Variants in ERCC6L2 observed in about 807,000 individuals in gnomAD.
ERCC6L2 encodes DNA excision repair protein ERCC-6-like 2.
ERCC6L2 carries 77 observed loss-of-function variants against 132.0 expected under a neutral mutation model. The ratio of observed to expected loss-of-function variants is 0.58; its 90% CI spans 0.49 to 0.71. ERCC6L2 has a LOEUF of 0.71. Ranked by LOEUF, ERCC6L2 falls within the 30% of genes least tolerant of loss-of-function variation. The pLI is 0.00. For missense variants in ERCC6L2, 1,542 were observed against 1,837.6 expected (o/e 0.84, Z 2.94); for synonymous variants, 583 against 632.4 (o/e 0.92, Z 1.17).
intron 2 of ERCC6L2, among the ~76,000 whole-genome samples, chr9:95,896,811 G>GT (rs1828490646): frequency 2.0e-5 from 3 of 152,086 alleles, no homozygotes; most frequent in African/African-American, 7.2e-5. Context: ...CCTGCTTGTG[G>GT]TTTTTTGTTT....
intron 11 of ERCC6L2, chr9:95,929,103 T>G (rs565494181): frequency 5.5e-5 from 16 of 289,742 alleles, no homozygotes; most frequent in East Asian, 3.8e-4. Context: ...ATAAAAAAAT[T>G]GATACTTCCT....
intron 13 of ERCC6L2, among the ~76,000 whole-genome samples, chr9:95,964,787 A>G (rs902575711): frequency 5.3e-5 from 8 of 152,192 alleles, no homozygotes; most frequent in East Asian, 1.9e-4. Context: ...TTTGAACATG[A>G]TTTCATTTTT....
rs556513719 is a variant in ERCC6L2, at chr9:95,878,402, G to A, written c.46+2318G>A. Among the ~76,000 whole-genome samples the A allele has an allele frequency of 2.6e-5, 4 of 152,332 alleles. No individual in the cohort carries two copies. In the East Asian group the frequency reaches 7.7e-4, roughly 29 times the overall value. On this transcript the variant is annotated intron_variant, in intron 1 of 18. Transcript: ENST00000653738. ...ACCAGGATATTCTGATGGATTGGAT[G>A]TAAGGAGTAATATTAAATGAGGTTT...
chr9:96,011,799 T>C (rs1331575815), intron 18 of ERCC6L2, among the ~76,000 whole-genome samples: 1 of 152,198 alleles, frequency 6.6e-6, no homozygotes, highest in African/African-American at 2.4e-5. Context: ...CTTTCTTAAT[T>C]TTTCAGAATT....
At chr9:95,952,498 A>G (rs897417905) in intron 12 of ERCC6L2, among the ~76,000 whole-genome samples, 1 of 152,200 alleles carries the variant, frequency 6.6e-6, no homozygotes, top group Non-Finnish European at 1.5e-5. Flanking sequence ...AAAAAGACAC[A>G]TAATCATTTC....
intron 4 of ERCC6L2, among the ~76,000 whole-genome samples, chr9:95,913,350 G>A (rs78712511): frequency 0.15 from 22,515 of 152,108 alleles, 1,766 homozygotes; most frequent in South Asian, 0.24. Context: ...GTGAATGCTC[G>A]ATTCTTTTTC....
chr9:95,926,072 A>G (rs1267515432), intron 9 of ERCC6L2, among the ~76,000 whole-genome samples: 1 of 152,224 alleles, frequency 6.6e-6, no homozygotes, highest in African/African-American at 2.4e-5. Context: ...GCCAAAATCC[A>G]GAACACTGTC....
chr9:96,015,015 G>GGTTT lies in ERCC6L2; in HGVS notation c.*1812_*1813insGTTT, dbSNP rs1834149762. Among the ~76,000 whole-genome samples the GGTTT allele has an allele frequency of 1.5e-5, 1 of 65,426 alleles. No homozygotes were observed. The highest frequency in any genetic ancestry group is 6.3e-5 in the African/African-American group (1 of 15,894). The allele number at this position is 65,426 out of a possible 152,430, so 42.9% of individuals were successfully genotyped here. A position where few individuals can be genotyped will look rare whatever the true frequency, so the allele number is the denominator to read the frequency against. The stretch of plus-strand genomic sequence containing the variant: ...GCTCTATAGTCTTCATATATGTACA[G>GGTTT]TTTTTTTTTTTTTTTTTTTTTTTTT... On this transcript the variant is annotated 3_prime_UTR_variant, in exon 19 of 19. Coordinates refer to ENST00000653738, the MANE Select transcript of ERCC6L2 (RefSeq NM_020207.7).
At chr9:95,953,704 G>C (rs564244139) in intron 12 of ERCC6L2, among the ~76,000 whole-genome samples, 1 of 151,618 alleles carries the variant, frequency 6.6e-6, no homozygotes, top group East Asian at 1.9e-4. Flanking sequence ...ACTAGAAAAG[G>C]AACAAAGTAA....
chr9:95,899,596 A>ATGTGTGTGTG (rs1472081988), intron 3 of ERCC6L2, among the ~76,000 whole-genome samples: 1 of 113,718 alleles, frequency 8.8e-6, no homozygotes, highest in African/African-American at 4.3e-5. Context: ...CTCTTTATAT[A>ATGTGTGTGTG]TATATGTGTG....
intron 17 of ERCC6L2, among the ~76,000 whole-genome samples, chr9:96,004,294 G>A (rs1037918321): frequency 3.9e-5 from 6 of 152,028 alleles, no homozygotes; most frequent in East Asian, 1.9e-4. Flanking sequence ...TGGAAATAAC[G>A]TATTATTGCC....
downstream of ERCC6L2, chr9:96,020,748 A>G (rs902172308): frequency 2.2e-6 from 1 of 456,688 alleles, no homozygotes. Flanking sequence ...AGAAAAGGCC[A>G]CTTCCAAACT....
At chr9:95,959,188 A>G (rs1831774672) in intron 13 of ERCC6L2, among the ~76,000 whole-genome samples, 2 of 149,574 alleles carry the variant, frequency 1.3e-5, no homozygotes, top group South Asian at 2.2e-4. Context: ...AGAGATGTAG[A>G]TCAATGGAAC....
At position 96,015,024 on chromosome 9, in the gene ERCC6L2, T is replaced by TTTTTTG. The variant is rs1834153633; in HGVS notation, c.*1826_*1827insGTTTTT. Among the ~76,000 whole-genome samples the TTTTTTG allele has an allele frequency of 8.2e-6, 1 of 122,448 alleles. No homozygotes were observed. The highest frequency in any genetic ancestry group is 1.7e-5 in the Non-Finnish European group (1 of 60,540). The allele number at this position is 122,448 out of a possible 152,430, so 80.3% of individuals were successfully genotyped here. On this transcript the variant is annotated 3_prime_UTR_variant, in exon 19 of 19. Transcript: ENST00000653738. ...TCTTCATATATGTACAGTTTTTTTT[T>TTTTTTG]TTTTTTTTTTTTTTTTGAGATTGAG... is the stretch of plus-strand genomic sequence containing the variant.
At chr9:95,943,202 G>A (rs1200387580) in intron 12 of ERCC6L2, among the ~76,000 whole-genome samples, 1 of 152,134 alleles carries the variant, frequency 6.6e-6, no homozygotes, top group East Asian at 1.9e-4. Flanking sequence ...TGAAGGGATG[G>A]TATGAAAAAA....
intron 17 of ERCC6L2, among the ~76,000 whole-genome samples, chr9:95,986,497 CTTTTT>C (rs57381408): frequency 8.6e-6 from 1 of 116,248 alleles, no homozygotes. Context: ...TATCTCTCTC[CTTTTT>C]TTTTTTTTTT....
At chr9:95,966,934 A>C in intron 14 of ERCC6L2, 3 of 348,872 alleles carry the variant, frequency 8.6e-6, no homozygotes, top group Non-Finnish European at 1.0e-5. Flanking sequence ...ACACACACAA[A>C]TGTATATGCT....
intron 17 of ERCC6L2, among the ~76,000 whole-genome samples, chr9:95,990,623 T>C (rs946577640): frequency 2.0e-5 from 3 of 151,404 alleles, no homozygotes; most frequent in African/African-American, 7.3e-5. Flanking sequence ...TAGGAGAGAG[T>C]GTACAAGCGA....
rs1044306909 is a variant in ERCC6L2 at position 96,017,538 on chromosome 9, G to A, written c.*4335G>A. On this transcript the variant is annotated 3_prime_UTR_variant, in exon 19 of 19. Coordinates refer to ENST00000653738, the MANE Select transcript of ERCC6L2 (RefSeq NM_020207.7). ...AAGAGACTGAATCAGGGGGTCTAGGGCTCAGCACAGGCACCCTTTTTGTTT... is the reference window on the plus strand; with the variant it reads ...AAGAGACTGAATCAGGGGGTCTAGGACTCAGCACAGGCACCCTTTTTGTTT... 8.5e-5 allele frequency among the ~76,000 whole-genome samples: 13 copies of A among 152,162 alleles called. No individual in the cohort carries two copies. The highest frequency in any genetic ancestry group is 3.1e-4 in the African/African-American group (13 of 41,442).
Sources: gnomAD v4.1 joint callset for allele counts (sites outside exome capture counted in the v4.1 genomes callset) on GRCh38, gnomAD v4.1.1 for gene constraint, MANE v1.5 for transcripts, NCBI Gene and HGNC (gene_info 2026-07-23, HGNC 2026-07-21) for gene names.